The following VCL variants were observed in gnomAD, a reference collection of about 807,000 sequenced individuals.
VCL encodes vinculin.
A neutral mutation model predicts 125.7 loss-of-function variants in VCL; 47 were observed. That is an observed-to-expected ratio of 0.37 (90% CI 0.30 to 0.48). The LOEUF is 0.48. Ranked by LOEUF, VCL falls within the 20% of genes least tolerant of loss-of-function variation. The pLI is 0.99. For missense variants in VCL, 1,069 were observed against 1,455.5 expected (o/e 0.73, Z 4.32); for synonymous variants, 458 against 514.6 (o/e 0.89, Z 1.49).
intron 1 of VCL, among the ~76,000 whole-genome samples, chr10:74,028,963 T>C (rs1364652068): frequency 6.6e-6 from 1 of 151,740 alleles, no homozygotes; most frequent in South Asian, 2.1e-4. Flanking sequence ...GGACTACAGC[T>C]AGGTGCCACC....
At chr10:74,045,035 G>A (rs1288758849) in intron 2 of VCL, among the ~76,000 whole-genome samples, 1 of 151,978 alleles carries the variant, frequency 6.6e-6, no homozygotes, top group East Asian at 1.9e-4. Flanking sequence ...GCTCCGTGTG[G>A]TGGTGTGAGC....
intron 1 of VCL, among the ~76,000 whole-genome samples, chr10:74,009,557 C>CT (rs1210377975): frequency 6.6e-6 from 1 of 151,988 alleles, no homozygotes; most frequent in Non-Finnish European, 1.5e-5. Flanking sequence ...CCGCGCCCGG[C>CT]TTTAATTCTG....
At chr10:74,076,028 G>A (rs930889444) in intron 6 of VCL, 1 of 152,542 alleles carries the variant, frequency 6.6e-6, no homozygotes, top group Non-Finnish European at 1.5e-5. Flanking sequence ...CTTTTGCATA[G>A]TTGACAACTT....
At chr10:74,026,123 T>C (rs982579451) in intron 1 of VCL, among the ~76,000 whole-genome samples, 9 of 152,220 alleles carry the variant, frequency 5.9e-5, no homozygotes, top group Non-Finnish European at 1.5e-5. Flanking sequence ...TGTTTCTTTA[T>C]TGTACACATG....
chr10:74,031,729 G>A (rs1001425555), intron 1 of VCL, among the ~76,000 whole-genome samples: 1 of 152,122 alleles, frequency 6.6e-6, no homozygotes, highest in African/African-American at 2.4e-5. Context: ...GATCAGCCTG[G>A]TCACCATGGT....
At position 74,066,845 on chromosome 10, in the gene VCL, T is replaced by C. The variant is rs190171047; in HGVS notation, c.240-3825T>C. ...CGCCACCATGCCCAGCTAATTTTTG[T>C]ATTTTTAGTAGAGACGGGGTTTCAC... On this transcript the variant is annotated intron_variant, in intron 2 of 21. Coordinates refer to ENST00000211998, the MANE Select transcript of VCL (RefSeq NM_014000.3). Among the ~76,000 whole-genome samples, 49 of 152,214 alleles carry C rather than the reference T, an allele frequency of 3.2e-4. No individual in the cohort carries two copies. The East Asian group carries it at 7.7e-3, about 24-fold the overall frequency.
intron 1 of VCL, among the ~76,000 whole-genome samples, chr10:74,040,321 G>A (rs1170348688): frequency 1.3e-5 from 2 of 151,976 alleles, no homozygotes; most frequent in Non-Finnish European, 2.9e-5. Context: ...ATGTTGTTGT[G>A]CTAAAAGCAA....
intron 2 of VCL, among the ~76,000 whole-genome samples, chr10:74,054,155 A>G (rs547563053): frequency 3.3e-4 from 51 of 152,288 alleles, no homozygotes; most frequent in African/African-American, 1.2e-3. Flanking sequence ...TTAGGTCAGT[A>G]TATAAATATT....
intron 1 of VCL, among the ~76,000 whole-genome samples, chr10:74,037,994 CTTTTCTTTTTT>C (rs1221494567): frequency 3.2e-4 from 38 of 118,684 alleles, no homozygotes; most frequent in African/African-American, 1.3e-3. Flanking sequence ...TTTTTCTTTT[CTTTTCTTTTTT>C]TTTTTTTTTT....
chr10:74,033,598 C>T (rs1488785836), intron 1 of VCL, among the ~76,000 whole-genome samples: 2 of 152,154 alleles, frequency 1.3e-5, no homozygotes, highest in Admixed American at 6.5e-5. Context: ...GCTTTTTTCA[C>T]CAGCTTGTTC....
chr10:74,106,678 C>G (rs1017511933), intron 16 of VCL, among the ~76,000 whole-genome samples: 1 of 152,230 alleles, frequency 6.6e-6, no homozygotes, highest in African/African-American at 2.4e-5. Flanking sequence ...ATCCAAAACC[C>G]ATTATCACTA....
intron 10 of VCL, among the ~76,000 whole-genome samples, chr10:74,093,581 G>A (rs1033967119): frequency 7.9e-5 from 12 of 152,094 alleles, no homozygotes; most frequent in Middle Eastern, 3.2e-3. Flanking sequence ...TTAAACCCAG[G>A]AGTTAAGGAC....
intron 1 of VCL, among the ~76,000 whole-genome samples, chr10:74,038,751 G>A (rs1792500747): frequency 6.6e-6 from 1 of 152,118 alleles, no homozygotes; most frequent in African/African-American, 2.4e-5. Context: ...CTCTACTGAG[G>A]TCAGAATATA....
At chr10:74,030,699 T>A (rs1840859553) in intron 1 of VCL, among the ~76,000 whole-genome samples, 1 of 152,204 alleles carries the variant, frequency 6.6e-6, no homozygotes, top group African/African-American at 2.4e-5. Flanking sequence ...TTTTCCTTGA[T>A]GGAATGCAGA....
At chr10:74,044,317 A>G (rs1564516396) in intron 2 of VCL, among the ~76,000 whole-genome samples, 1 of 152,182 alleles carries the variant, frequency 6.6e-6, no homozygotes, top group Non-Finnish European at 1.5e-5. Flanking sequence ...ATGGCAGTCA[A>G]GTTGTAAGCA....
intron 1 of VCL, among the ~76,000 whole-genome samples, chr10:74,018,581 A>C (rs1477461971): frequency 6.6e-6 from 1 of 152,152 alleles, no homozygotes; most frequent in Non-Finnish European, 1.5e-5. Flanking sequence ...ATACAAAGAT[A>C]CAAGGGTGTG....
chr10:74,028,866 T>C (rs533572353), intron 1 of VCL, among the ~76,000 whole-genome samples: 2 of 152,340 alleles, frequency 1.3e-5, no homozygotes, highest in Non-Finnish European at 2.9e-5. Context: ...TGCTTATGTA[T>C]GTTTGCAACT....
At chr10:74,069,767 T>G (rs1246374237) in intron 2 of VCL, among the ~76,000 whole-genome samples, 1 of 148,678 alleles carries the variant, frequency 6.7e-6, no homozygotes, top group Non-Finnish European at 1.5e-5. Context: ...TGGGGATGAG[T>G]AATTGAATGA....
At chr10:74,069,332 C>T (rs748936992) in intron 2 of VCL, among the ~76,000 whole-genome samples, 3 of 152,136 alleles carry the variant, frequency 2.0e-5, no homozygotes, top group East Asian at 1.9e-4. Flanking sequence ...GAGCCAACTG[C>T]GCCCGGCCAT....
Sources: allele counts gnomAD v4.1 joint callset (sites outside exome capture counted in the v4.1 genomes callset), GRCh38; gene constraint gnomAD v4.1.1; transcripts MANE v1.5; gene names NCBI Gene and HGNC (gene_info 2026-07-23, HGNC 2026-07-21).